Variants in MYT1 observed in about 807,000 individuals in gnomAD.
MYT1 encodes the protein myelin transcription factor I.
In MYT1, 23 loss-of-function variants were observed where a neutral mutation model predicts 123.0. The observed-to-expected ratio is 0.19, with a 90% CI of 0.13 to 0.26. The LOEUF (loss-of-function observed/expected upper bound fraction) is 0.26. MYT1 is among the 10% of genes least tolerant of loss of function. The probability of loss-of-function intolerance (pLI) is 1.00; values close to 1 mark genes in which losing one functional copy is unlikely to be tolerated. For synonymous variants in MYT1, 518 were observed against 575.3 expected (o/e 0.90, Z 1.43); for missense variants, 1,125 against 1,472.5 (o/e 0.76, Z 3.86).
chr20:64,173,033 A>G (rs1252265129), intron 1 of MYT1, among the ~76,000 whole-genome samples: 1 of 151,768 alleles, frequency 6.6e-6, no homozygotes. Flanking sequence ...CTGGCCTCAT[A>G]CCCTCTTAAT....
In MYT1 at chr20:64,240,562, G is replaced by T; in HGVS notation, c.*114G>T. On this transcript the variant is annotated 3_prime_UTR_variant, in exon 23 of 23. Transcript: ENST00000328439. ...GACTTCCCGTTTGGGGCCCGGTGTG[G>T]CCGCGGGCGGGTTTATCCAAAGGGA... 1 of 1,409,550 alleles carries T rather than the reference G, an allele frequency of 7.1e-7. No homozygotes were observed. The highest frequency in any genetic ancestry group is 2.5e-5 in the East Asian group (1 of 39,400). The allele number at this position is 1,409,550 out of a possible 1,614,324, so 87.3% of individuals were successfully genotyped here.
chr20:64,188,799 C>T (rs1982885794), intron 1 of MYT1, among the ~76,000 whole-genome samples: 1 of 152,218 alleles, frequency 6.6e-6, no homozygotes, highest in Non-Finnish European at 1.5e-5. Flanking sequence ...GCAGCTCCCT[C>T]CTCACTAGTC....
chr20:64,220,265 C>T (rs1031306832), intron 13 of MYT1, among the ~76,000 whole-genome samples: 2 of 152,184 alleles, frequency 1.3e-5, no homozygotes, highest in East Asian at 3.9e-4. Context: ...CCAGCACCAA[C>T]GTGGGCACTG....
rs2427625 is a variant in MYT1 at position 64,240,906 on chromosome 20, A to C, written c.*458A>C. ...GCGTGTCTGTGCTCAGTGAGGGCCGATGAAGAAAGTGCGTTTTCTGTTTTC... is the reference window on the plus strand; with the variant it reads ...GCGTGTCTGTGCTCAGTGAGGGCCGCTGAAGAAAGTGCGTTTTCTGTTTTC... On this transcript the variant is annotated 3_prime_UTR_variant, in exon 23 of 23. Transcript: ENST00000328439. The C allele has an allele frequency of 0.58, 92,633 of 160,026 alleles. 29,697 individuals carry two copies. Among genetic ancestry groups the C allele is most frequent in the African/African-American group, 0.86 (35,741 of 41,684 alleles). 9.9% of individuals were successfully genotyped at this position (160,026 alleles called of 1,614,324 possible).
At position 64,208,415 on chromosome 20, in the gene MYT1, C is replaced by G; in HGVS notation, c.1219C>G (p.Gln407Glu). The stretch of plus-strand genomic sequence containing the variant: ...GGGCTGCCCGCCTGCCGAGCAGAGC[C>G]AGCTGGGCCTGGGAGAGCCAGGGAA... ...EPGCPPAEQS[Q>E]LGLGEPGKAA... The change falls in exon 7 of 23, where the codon CAG becomes GAG. Residue 407 changes from glutamine to glutamate, a missense_variant. Gln to Glu is a conservative substitution (Grantham distance 29). Transcript: ENST00000328439. This position sits in a 1 kb window ranked among gnomAD's most constrained non-coding sequence, Gnocchi z 5.4. The G allele has an allele frequency of 6.2e-7, 1 of 1,613,424 alleles. No homozygotes were observed. Among genetic ancestry groups the G allele is most frequent in the Non-Finnish European group, 8.5e-7 (1 of 1,179,964 alleles).
chr20:64,227,576 A>G, intron 17 of MYT1, 99 bp downstream of exon 17: 4 of 1,088,754 alleles, frequency 3.7e-6, no homozygotes, highest in Non-Finnish European at 5.3e-6. Context: ...TGACAGCTAG[A>G]GTCCATTCCC....
chr20:64,187,097 T>C (rs1215012973), intron 1 of MYT1, among the ~76,000 whole-genome samples: 414 of 79,910 alleles, frequency 5.2e-3, no homozygotes, highest in Middle Eastern at 0.014. Context: ...CCGGCATCCA[T>C]GTTTCCGTGG....
chr20:64,228,725 T>C (rs1984240924), intron 18 of MYT1, among the ~76,000 whole-genome samples: 2 of 152,204 alleles, frequency 1.3e-5, no homozygotes, highest in African/African-American at 4.8e-5. Context: ...AATGCTTTGC[T>C]ACAGACTCAG....
At chr20:64,195,483 C>T (rs566927615) in intron 2 of MYT1, among the ~76,000 whole-genome samples, 9 of 149,382 alleles carry the variant, frequency 6.0e-5, no homozygotes, top group Admixed American at 4.7e-4. Flanking sequence ...GCAACCTCCA[C>T]CTCCTGGGTT....
In MYT1 at chr20:64,203,839, C is replaced by T. The variant is rs1983397790; in HGVS notation, c.87-1196C>T. 6.6e-6 allele frequency among the ~76,000 whole-genome samples: 1 copy of T among 152,206 alleles called. No individual in the cohort carries two copies. Among genetic ancestry groups the T allele is most frequent in the African/African-American group, 2.4e-5 (1 of 41,460 alleles). On this transcript the variant is annotated intron_variant, in intron 4 of 22. Transcript: ENST00000328439. This position sits in a 1 kb window ranked among gnomAD's most constrained non-coding sequence, Gnocchi z 5.1. The stretch of plus-strand genomic sequence containing the variant: ...AGAGACTGGGGATGGCGTTCTTTTC[C>T]CCGGGTCCCAGGTATGGGGGCACCA...
chr20:64,176,620 G>A (rs1409110793), intron 1 of MYT1, among the ~76,000 whole-genome samples: 1 of 152,264 alleles, frequency 6.6e-6, no homozygotes, highest in Non-Finnish European at 1.5e-5. Context: ...AACCCCACTT[G>A]GAGCTGAGGA....
intron 21 of MYT1, 144 bp from the exon 22 acceptor site, chr20:64,239,616 C>T (rs1215612854): frequency 8.5e-7 from 1 of 1,176,204 alleles, no homozygotes; most frequent in African/African-American, 1.5e-5. Context: ...GGCAGAACCC[C>T]CTACAGGAAG....
chr20:64,227,869 T>C lies in MYT1; in HGVS notation c.2592-19T>C. Reference sequence around the variant, plus strand: ...CGGTTCCAGCACTAAGGTGGCCTTTTTTCCTCTTTCGAAATCAGCTTGTCC... The same window carrying C: ...CGGTTCCAGCACTAAGGTGGCCTTTCTTCCTCTTTCGAAATCAGCTTGTCC... On this transcript the variant is annotated intron_variant, in intron 17 of 22. Coordinates refer to ENST00000328439, the MANE Select transcript of MYT1 (RefSeq NM_004535.3). 1 of 1,610,286 alleles carries C rather than the reference T, an allele frequency of 6.2e-7. No homozygotes were observed. Among genetic ancestry groups the C allele is most frequent in the Non-Finnish European group, 8.5e-7 (1 of 1,178,200 alleles).
chr20:64,198,489 G>T (rs551537562), intron 2 of MYT1, among the ~76,000 whole-genome samples: 76 of 152,202 alleles, frequency 5.0e-4, no homozygotes, highest in African/African-American at 1.8e-3. Context: ...GCTGCTCTGT[G>T]TCGGGCCAGG....
rs1255791837 is a variant in MYT1, at chr20:64,208,177, G to A, written c.981G>A (p.Glu327=). ...ACACCTCTGCCCAGAAGGCCCCTGAGCTCCGGGGCCCAGAATCACCCAGTC... is the reference window on the plus strand; with the variant it reads ...ACACCTCTGCCCAGAAGGCCCCTGAACTCCGGGGCCCAGAATCACCCAGTC... The part of the protein sequence containing the change: ...TSHTSAQKAP[E]LRGPESPSPK... Residue 327 remains glutamate (E), a synonymous_variant, in exon 7 of 23, where the codon GAG becomes GAA. Coordinates refer to ENST00000328439, the MANE Select transcript of MYT1 (RefSeq NM_004535.3). This position sits in a 1 kb window ranked among gnomAD's most constrained non-coding sequence, Gnocchi z 5.4. 7 of 1,613,752 alleles carry A rather than the reference G, an allele frequency of 4.3e-6. No homozygotes were observed. The South Asian group carries it at 7.7e-5, about 18-fold the overall frequency.
At position 64,227,955 on chromosome 20, in the gene MYT1, G is replaced by C. The variant is rs367893050; in HGVS notation, c.2659G>C (p.Asp887His). Residue 887 changes from aspartate to histidine, a missense_variant, in exon 18 of 23, where the codon GAC becomes CAC. This residue lies in a region of MYT1 where 243 missense variants were observed against 323.1 expected (regional missense o/e 0.75). Transcript: ENST00000328439. ...GGCACCCACCAAGGACGACAAGGAG[G>C]ACCCCGAGCTGATGAAGTACGTTGG... ...KVAPTKDDKEDPELMKCPVPG... is the reference protein window; with the variant it reads ...KVAPTKDDKEHPELMKCPVPG... 14 of 1,614,074 alleles carry C rather than the reference G, an allele frequency of 8.7e-6. No homozygotes were observed. The highest frequency in any genetic ancestry group is 1.2e-5 in the Non-Finnish European group (14 of 1,179,974).
intron 16 of MYT1, among the ~76,000 whole-genome samples, chr20:64,224,492 A>G (rs1338037557): frequency 6.6e-6 from 1 of 152,192 alleles, no homozygotes; most frequent in Non-Finnish European, 1.5e-5. Flanking sequence ...GGAGTGTGTC[A>G]TGAGGCCCTT....
At chr20:64,206,588 G>A (rs1484379521) in intron 6 of MYT1, among the ~76,000 whole-genome samples, 1 of 152,184 alleles carries the variant, frequency 6.6e-6, no homozygotes, top group Non-Finnish European at 1.5e-5. Context: ...CTTCTGCAGT[G>A]GGGAAGGGTC....
chr20:64,208,231 G>C lies in MYT1; in HGVS notation c.1035G>C (p.Glu345Asp), dbSNP rs760258534. 1 of 1,614,104 alleles carries C rather than the reference G, an allele frequency of 6.2e-7. No individual in the cohort carries two copies. The highest frequency in any genetic ancestry group is 1.7e-5 in the Admixed American group (1 of 60,030). The stretch of plus-strand genomic sequence containing the variant: ...AGCCTGAGTACTCTGTTATTGTGGA[G>C]GTCCGCTCGGATGATGACAAGGACG... Reference protein sequence around the residue: ...SPKPEYSVIVEVRSDDDKDED... With the variant: ...SPKPEYSVIVDVRSDDDKDED... The change falls in exon 7 of 23, where the codon GAG (glutamate) becomes GAC (aspartate). Residue 345 changes from glutamate to aspartate, a missense_variant. This residue lies in a region of MYT1 where 406 missense variants were observed against 432.2 expected (regional missense o/e 0.94). Transcript: ENST00000328439. The surrounding 1 kb of genome is among the most constrained non-coding windows in gnomAD (Gnocchi z 5.4).
Sources: gnomAD v4.1 joint callset for allele counts (sites outside exome capture counted in the v4.1 genomes callset) on GRCh38, gnomAD v4.1.1 for gene constraint, gnomAD v4.1.1 regional missense constraint, Gnocchi (gnomAD v3.1) non-coding constraint, MANE v1.5 for transcripts, NCBI Gene and HGNC (gene_info 2026-07-23, HGNC 2026-07-21) for gene names.